HTR4: variants seen among roughly 807,000 people sequenced by gnomAD.
The protein encoded by HTR4 is 5-hydroxytryptamine receptor 4.
A neutral mutation model predicts 36.8 loss-of-function variants in HTR4; 16 were observed. The observed-to-expected ratio is 0.43, with a 90% confidence interval of 0.29 to 0.66. HTR4 has a LOEUF of 0.66. HTR4 is among the 30% of genes least tolerant of loss of function. HTR4 has a pLI of 0.13. For missense variants in HTR4, 438 were observed against 490.9 expected (o/e 0.89, Z 1.02); for synonymous variants, 189 against 185.1 (o/e 1.02, Z -0.17).
At chr5:148,624,039 C>G (rs995244641) in intron 2 of HTR4, among the ~76,000 whole-genome samples, 1 of 152,114 alleles carries the variant, frequency 6.6e-6, no homozygotes, top group Non-Finnish European at 1.5e-5. Context: ...ACTCAGTGAC[C>G]TAAGGTACGG....
Position 148,654,300 on chromosome 5 carries a change from C to T in HTR4, c.-286G>A, listed in dbSNP as rs1754129898. ...CCCCGGATCACCTGGGCTCGCCGCGCATCGTCCTTCTCCCCAACCGAGCCG... is the reference window on the plus strand; with the variant it reads ...CCCCGGATCACCTGGGCTCGCCGCGTATCGTCCTTCTCCCCAACCGAGCCG... On this transcript the variant is annotated 5_prime_UTR_variant, in exon 1 of 7. It removes an upstream start codon present in the reference 5' UTR. Coordinates refer to ENST00000377888, the MANE Select transcript of HTR4 (RefSeq NM_000870.7). 2.0e-6 allele frequency: 2 copies of T among 984,742 alleles called. No individual in the cohort carries two copies. Among genetic ancestry groups the T allele is most frequent in the African/African-American group, 1.7e-5 (1 of 57,354 alleles). 61.0% of individuals were successfully genotyped at this position (984,742 alleles called of 1,614,324 possible).
In HTR4 at chr5:148,482,742, A is replaced by G; in HGVS notation, c.*461T>C. The G allele has an allele frequency of 9.9e-7, 1 of 1,013,772 alleles. No individual in the cohort carries two copies. Among genetic ancestry groups the G allele is most frequent in the Non-Finnish European group, 1.2e-6 (1 of 845,266 alleles). The allele number at this position is 1,013,772 out of a possible 1,614,324, so 62.8% of individuals were successfully genotyped here. ...GACGGACGTGACCAAGCAAGTAAGC[A>G]AGACAGGAGCGACGCCTCTGGCTAA... On this transcript the variant is annotated 3_prime_UTR_variant, in exon 7 of 7. Transcript: ENST00000377888.
intron 2 of HTR4, among the ~76,000 whole-genome samples, chr5:148,618,442 A>C (rs965420773): frequency 6.6e-6 from 1 of 152,246 alleles, no homozygotes; most frequent in East Asian, 1.9e-4. Context: ...TCTGGCTTCA[A>C]TTGGGCTTAC....
At chr5:148,491,030 C>T (rs944489608) in intron 6 of HTR4, among the ~76,000 whole-genome samples, 5 of 152,174 alleles carry the variant, frequency 3.3e-5, no homozygotes, top group African/African-American at 4.8e-5. Context: ...TTATCATTTC[C>T]ATGGACCAGG....
At chr5:148,569,457 T>C (rs1356252273) in intron 2 of HTR4, among the ~76,000 whole-genome samples, 1 of 152,104 alleles carries the variant, frequency 6.6e-6, no homozygotes, top group African/African-American at 2.4e-5. Context: ...CCATGGCACA[T>C]GTTTACCTAT....
rs71001490 is a variant in HTR4 at position 148,463,165 on chromosome 5, CTTTTTTTTT to C, written c.1077-11902_1077-11894del. Among the ~76,000 whole-genome samples the C allele has an allele frequency of 2.0e-4, 13 of 64,136 alleles. 2 individuals carry two copies. In the East Asian group the frequency reaches 3.8e-3, roughly 19 times the overall value. 42.1% of individuals were successfully genotyped at this position (64,136 alleles called of 152,430 possible). A position where few individuals can be genotyped will look rare whatever the true frequency, so the allele number is the denominator to read the frequency against. On this transcript the variant is annotated intron_variant, in intron 5 of 5. Coordinates refer to the HTR4 transcript ENST00000521530. ...CTTTGCTTTTCATTTCTTTTTTTTT[CTTTTTTTTT>C]TTTTTTTTTTTTTTTTGAGACGGAG...
At chr5:148,621,572 G>T (rs774871829) in intron 2 of HTR4, among the ~76,000 whole-genome samples, 1 of 152,188 alleles carries the variant, frequency 6.6e-6, no homozygotes, top group Non-Finnish European at 1.5e-5. Flanking sequence ...CAGCAAGTTT[G>T]TGTTCTTGAA....
rs1335992233 is a variant in HTR4 at position 148,554,285 on chromosome 5, G to A, written c.27-4023C>T. Among the ~76,000 whole-genome samples the A allele has an allele frequency of 2.0e-5, 3 of 152,110 alleles. No individual in the cohort carries two copies. The East Asian group carries it at 5.8e-4, about 29-fold the overall frequency. ...AGACGGGGTTTCTCCATGTTGGTCA[G>A]GCTGGTCTCGAACTTCTGACCTCAG... On this transcript the variant is annotated intron_variant, in intron 2 of 6. Coordinates refer to ENST00000377888, the MANE Select transcript of HTR4 (RefSeq NM_000870.7).
chr5:148,540,405 T>C (rs1481522238), intron 4 of HTR4, among the ~76,000 whole-genome samples: 3 of 13,082 alleles, frequency 2.3e-4, no homozygotes, highest in Non-Finnish European at 1.1e-3. Flanking sequence ...TGTGTGTATA[T>C]ATATATATAT....
intron 5 of HTR4, among the ~76,000 whole-genome samples, chr5:148,463,165 C>CTTTTTTTTTTTTTTTTTTTTTTTTTTT (rs71001490): frequency 2.2e-4 from 14 of 64,152 alleles, no homozygotes; most frequent in South Asian, 7.7e-4. Flanking sequence ...CTTTTTTTTT[C>CTTTTTTTTTTTTTTTTTTTTTTTTTTT]TTTTTTTTTT....
At chr5:148,608,157 C>A (rs886555551) in intron 2 of HTR4, among the ~76,000 whole-genome samples, 2 of 152,176 alleles carry the variant, frequency 1.3e-5, no homozygotes, top group African/African-American at 4.8e-5. Flanking sequence ...TTGGAGCCAA[C>A]AGTGTAAACC....
In HTR4 at chr5:148,654,187, C is replaced by T; in HGVS notation, c.-173G>A. 3.0e-6 allele frequency: 3 copies of T among 985,480 alleles called. No homozygotes were observed. The highest frequency in any genetic ancestry group is 3.6e-6 in the Non-Finnish European group (3 of 829,976). 61.0% of individuals were successfully genotyped at this position (985,480 alleles called of 1,614,324 possible). A position where few individuals can be genotyped will look rare whatever the true frequency, so the allele number is the denominator to read the frequency against. ...CAGCCGCTGCCTGCGCCCTCCCTGC[C>T]GCCCCCTCGGGTGCGGGCTCCAGCC... On this transcript the variant is annotated 5_prime_UTR_variant, in exon 1 of 7. Transcript: ENST00000377888.
At chr5:148,552,934 A>G (rs1759768795) in intron 2 of HTR4, among the ~76,000 whole-genome samples, 1 of 152,214 alleles carries the variant, frequency 6.6e-6, no homozygotes, top group South Asian at 2.1e-4. Flanking sequence ...TTATTATTCA[A>G]TGTCTTTGAA....
intron 2 of HTR4, among the ~76,000 whole-genome samples, chr5:148,579,738 G>T (rs1761062358): frequency 6.6e-6 from 1 of 151,968 alleles, no homozygotes; most frequent in South Asian, 2.1e-4. Context: ...TGTCAGCTGA[G>T]GTAACTTGCA....
At chr5:148,498,663 C>T (rs1581384000) in intron 6 of HTR4, among the ~76,000 whole-genome samples, 1 of 152,104 alleles carries the variant, frequency 6.6e-6, no homozygotes, top group Admixed American at 6.5e-5. Flanking sequence ...CAGGCCACTG[C>T]TATCCAGCAG....
chr5:148,470,122 T>C (rs1755528040), intron 5 of HTR4, among the ~76,000 whole-genome samples: 1 of 152,224 alleles, frequency 6.6e-6, no homozygotes, highest in Admixed American at 6.5e-5. Flanking sequence ...AAGGGCACTG[T>C]CCTATTTGTT....
intron 2 of HTR4, among the ~76,000 whole-genome samples, chr5:148,620,654 T>A (rs1474120710): frequency 6.6e-6 from 1 of 152,248 alleles, no homozygotes; most frequent in Non-Finnish European, 1.5e-5. Context: ...AAAATTGGCT[T>A]CACCCATCTC....
rs1755988941 is a variant in HTR4, at chr5:148,483,434, T to C, written c.1077-141A>G. The stretch of plus-strand genomic sequence containing the variant: ...TTTGGCTTCTACTTAGGAATTTCCA[T>C]TGACAGGCCAGTCCATATTAATTTT... On this transcript the variant is annotated intron_variant, in intron 6 of 6. Transcript: ENST00000377888. 3 of 715,982 alleles carry C rather than the reference T, an allele frequency of 4.2e-6. No individual in the cohort carries two copies. In the Admixed American group the frequency reaches 7.5e-5, roughly 18 times the overall value. 44.4% of individuals were successfully genotyped at this position (715,982 alleles called of 1,614,324 possible). A position where few individuals can be genotyped will look rare whatever the true frequency, so the allele number is the denominator to read the frequency against.
intron 5 of HTR4, among the ~76,000 whole-genome samples, chr5:148,464,129 C>A (rs1755362257): frequency 6.8e-6 from 1 of 147,900 alleles, no homozygotes; most frequent in Non-Finnish European, 1.5e-5. Context: ...AAAATAAAAA[C>A]CATGACAATT....
Sources: allele counts gnomAD v4.1 joint callset (sites outside exome capture counted in the v4.1 genomes callset), GRCh38; gene constraint gnomAD v4.1.1; transcripts MANE v1.5; gene names NCBI Gene and HGNC (gene_info 2026-07-23, HGNC 2026-07-21).